Variants in TNRC6B observed in about 807,000 individuals in gnomAD.
TNRC6B encodes the protein trinucleotide repeat containing adaptor 6B, also known as trinucleotide repeat-containing gene 6B protein.
In TNRC6B, 52 loss-of-function variants were observed where a neutral mutation model predicts 203.6. The observed-to-expected ratio is 0.26, with a 90% CI of 0.20 to 0.32. The LOEUF is 0.32. TNRC6B is among the 10% of genes least tolerant of loss of function. The pLI, the probability that TNRC6B is intolerant of heterozygous loss-of-function variation, is 1.00. For missense variants in TNRC6B, 1,923 were observed against 2,286.2 expected (o/e 0.84, Z 3.24); for synonymous variants, 838 against 845.7 (o/e 0.99, Z 0.16).
At chr22:40,079,725 C>A (rs1425180914) in intron 1 of TNRC6B, among the ~76,000 whole-genome samples, 1 of 151,910 alleles carries the variant, frequency 6.6e-6, no homozygotes, top group Non-Finnish European at 1.5e-5. Context: ...CTCAGGAGAT[C>A]CTCCCACCTC....
At chr22:40,132,815 G>A (rs1328387593) in intron 3 of TNRC6B, among the ~76,000 whole-genome samples, 1 of 147,960 alleles carries the variant, frequency 6.8e-6, no homozygotes, top group African/African-American at 2.5e-5. Flanking sequence ...ATGGTGGCAG[G>A]CGCCTGTAGT....
intron 1 of TNRC6B, among the ~76,000 whole-genome samples, chr22:40,086,155 G>T (rs932007540): frequency 2.0e-5 from 3 of 152,134 alleles, no homozygotes; most frequent in Non-Finnish European, 4.4e-5. Context: ...ACAGGCATGA[G>T]CCACCATGCT....
chr22:40,136,328 G>A (rs951917113), intron 3 of TNRC6B, among the ~76,000 whole-genome samples: 1 of 149,956 alleles, frequency 6.7e-6, no homozygotes, highest in Non-Finnish European at 1.5e-5. Flanking sequence ...TGAGCCGTTG[G>A]GTGTCTGTGA....
intron 6 of TNRC6B, among the ~76,000 whole-genome samples, chr22:40,271,089 C>T (rs953264903): frequency 1.3e-5 from 2 of 152,122 alleles, no homozygotes; most frequent in African/African-American, 4.8e-5. Context: ...TGAAGAACGT[C>T]ACACTTATTC....
chr22:40,228,773 C>T (rs1412842896), intron 1 of TNRC6B, among the ~76,000 whole-genome samples: 4 of 152,066 alleles, frequency 2.6e-5, no homozygotes, highest in East Asian at 1.9e-4. Context: ...ATCCACCCAC[C>T]TCGGCCTCCC....
chr22:40,225,737 C>A (rs1359986249), intron 1 of TNRC6B, among the ~76,000 whole-genome samples: 1 of 87,412 alleles, frequency 1.1e-5, no homozygotes, highest in African/African-American at 3.5e-5. Flanking sequence ...AGTGAGACTC[C>A]GTCTCAAAAA....
intron 1 of TNRC6B, among the ~76,000 whole-genome samples, chr22:40,204,483 G>A (rs6001834): frequency 0.68 from 103,288 of 152,150 alleles, 36,818 homozygotes; most frequent in African/African-American, 0.9. Flanking sequence ...CTGGCTACGG[G>A]CTTGACCTTC....
chr22:40,207,191 A>T (rs952854655), intron 1 of TNRC6B, among the ~76,000 whole-genome samples: 23 of 152,144 alleles, frequency 1.5e-4, no homozygotes, highest in African/African-American at 5.3e-4. Context: ...TATGAAAAAA[A>T]TTATTTCTAG....
intron 6 of TNRC6B, among the ~76,000 whole-genome samples, chr22:40,271,904 T>A (rs1569048252): frequency 1.3e-5 from 2 of 152,244 alleles, no homozygotes; most frequent in Non-Finnish European, 2.9e-5. Flanking sequence ...CTGTAGCCTG[T>A]CTTAAATTTG....
At chr22:40,067,214 A>G (rs543456433) in intron 1 of TNRC6B, among the ~76,000 whole-genome samples, 12 of 152,302 alleles carry the variant, frequency 7.9e-5, no homozygotes, top group East Asian at 1.9e-4. Context: ...CATGATACAA[A>G]GTATGTAAAA....
At chr22:40,156,624 G>C (rs1386166920) in intron 4 of TNRC6B, among the ~76,000 whole-genome samples, 1 of 152,026 alleles carries the variant, frequency 6.6e-6, no homozygotes, top group African/African-American at 2.4e-5. Flanking sequence ...TATTTACACT[G>C]CTGATCTTTG....
At chr22:40,084,264 G>A (rs1038300582) in intron 1 of TNRC6B, among the ~76,000 whole-genome samples, 3 of 152,160 alleles carry the variant, frequency 2.0e-5, no homozygotes, top group African/African-American at 7.2e-5. Flanking sequence ...TGTTTGCATG[G>A]GACGCTTGAG....
At chr22:40,131,136 G>A (rs2068540977) in intron 3 of TNRC6B, among the ~76,000 whole-genome samples, 1 of 152,058 alleles carries the variant, frequency 6.6e-6, no homozygotes, top group African/African-American at 2.4e-5. Flanking sequence ...TAGCCAGGAA[G>A]GTCTCGATCT....
At chr22:40,140,942 A>G (rs1313286966) in intron 3 of TNRC6B, among the ~76,000 whole-genome samples, 1 of 152,114 alleles carries the variant, frequency 6.6e-6, no homozygotes, top group Non-Finnish European at 1.5e-5. Flanking sequence ...CACCCAGCCA[A>G]TAATTATATT....
intron 3 of TNRC6B, among the ~76,000 whole-genome samples, chr22:40,259,232 CT>C (rs551346538): frequency 3.4e-5 from 5 of 148,726 alleles, no homozygotes; most frequent in Non-Finnish European, 3.0e-5. Flanking sequence ...ATTTTCTTTT[CT>C]TTTTTTTTTG....
At chr22:40,075,156 A>ATTTTTTTTTTTTTTTTTTTTTTTTTT (rs58240994) in intron 1 of TNRC6B, among the ~76,000 whole-genome samples, 3 of 35,568 alleles carry the variant, frequency 8.4e-5, no homozygotes, top group African/African-American at 2.1e-4. Context: ...ATATATATAT[A>ATTTTTTTTTTTTTTTTTTTTTTTTTT]TTTTTTTTTT....
chr22:40,325,979 T>TA lies in TNRC6B; in HGVS notation c.*2742dup, dbSNP rs1446847954. 6.6e-6 allele frequency: 1 copy of TA among 151,644 alleles called. No individual in the cohort carries two copies. Among genetic ancestry groups the TA allele is most frequent in the Non-Finnish European group, 1.5e-5 (1 of 67,846 alleles). The allele number at this position is 151,644 out of a possible 1,614,324, so 9.4% of individuals were successfully genotyped here. On this transcript the variant is annotated 3_prime_UTR_variant, in exon 23 of 23. Coordinates refer to ENST00000454349, the MANE Select transcript of TNRC6B (RefSeq NM_001162501.2). The stretch of plus-strand genomic sequence containing the variant: ...ATATGTAAAAATAAACATGAGAAGC[T>TA]AAAATGTTCTTCCATCATAAGCTTA...
chr22:40,208,074 G>A lies in TNRC6B; in HGVS notation c.5+29934G>A, dbSNP rs76730450. Among the ~76,000 whole-genome samples the A allele has an allele frequency of 5.1e-3, 739 of 143,712 alleles. 8 individuals are homozygous for A. The highest frequency in any genetic ancestry group is 0.018 in the African/African-American group (717 of 40,718). The allele number at this position is 143,712 out of a possible 152,430, so 94.3% of individuals were successfully genotyped here. ...GCTTGCAGTGAGCTGAGATGCGCCC[G>A]TCTCTCCAGCCTGGGCAATAGAGTG... On this transcript the variant is annotated intron_variant, in intron 1 of 22. Coordinates refer to ENST00000454349, the MANE Select transcript of TNRC6B (RefSeq NM_001162501.2).
At chr22:40,129,295 C>G (rs977768270) in intron 3 of TNRC6B, among the ~76,000 whole-genome samples, 7 of 152,154 alleles carry the variant, frequency 4.6e-5, no homozygotes, top group African/African-American at 1.7e-4. Flanking sequence ...GCTGTTCACT[C>G]GAGGAGTGAT....
Sources: gnomAD v4.1 joint callset for allele counts (sites outside exome capture counted in the v4.1 genomes callset) on GRCh38, gnomAD v4.1.1 for gene constraint, MANE v1.5 for transcripts, NCBI Gene and HGNC (gene_info 2026-07-23, HGNC 2026-07-21) for gene names.